The following PPARGC1A variants were observed in gnomAD, a reference collection of about 807,000 sequenced individuals.
PPARGC1A encodes the protein peroxisome proliferator-activated receptor gamma coactivator 1-alpha.
A neutral mutation model predicts 88.7 loss-of-function variants in PPARGC1A; 25 were observed. The observed-to-expected ratio is 0.28, with a 90% CI of 0.21 to 0.39. PPARGC1A has a LOEUF of 0.39. Among genes scored for constraint, PPARGC1A ranks in the 10% least tolerant of loss-of-function variants. PPARGC1A has a pLI of 1.00. For synonymous variants in PPARGC1A, 363 were observed against 355.6 expected, an observed-to-expected ratio of 1.02 and a Z score of -0.24; for missense variants, 880 against 968.7, an observed-to-expected ratio of 0.91 and a Z score of 1.22.
the PPARGC1A span, among the ~76,000 whole-genome samples, chr4:24,213,155 G>A: frequency 4.3e-5 from 6 of 139,842 alleles, no homozygotes; most frequent in Non-Finnish European, 7.6e-5. Context: ...GGGCACAACT[G>A]ATTATTTTCC....
the PPARGC1A span, among the ~76,000 whole-genome samples, chr4:24,442,188 A>C: frequency 2.6e-5 from 4 of 152,340 alleles, no homozygotes; most frequent in African/African-American, 7.2e-5. Context: ...ATAAAAGCAG[A>C]TGAGTAAACT....
the PPARGC1A span, among the ~76,000 whole-genome samples, chr4:24,402,545 C>T: frequency 6.6e-6 from 1 of 152,324 alleles, no homozygotes; most frequent in African/African-American, 2.4e-5. Context: ...AGGTCAGGTA[C>T]ATTGCCCGAG....
the PPARGC1A span, among the ~76,000 whole-genome samples, chr4:24,326,209 A>G: frequency 2.0e-5 from 3 of 152,056 alleles, no homozygotes; most frequent in Non-Finnish European, 4.4e-5. Context: ...ATCCCATCCC[A>G]CAGCATGCTT....
the PPARGC1A span, among the ~76,000 whole-genome samples, chr4:24,234,187 C>A: frequency 6.6e-6 from 1 of 152,194 alleles, no homozygotes; most frequent in Non-Finnish European, 1.5e-5. Flanking sequence ...AACCAGCATA[C>A]TTAACACAGT....
chr4:24,288,092 T>A, the PPARGC1A span, among the ~76,000 whole-genome samples: 1 of 152,180 alleles, frequency 6.6e-6, no homozygotes, highest in South Asian at 2.1e-4. Flanking sequence ...AACATCTATA[T>A]TCATTCTTCA....
chr4:23,844,829 TTATAA>T (rs1470684161), intron 2 of PPARGC1A, among the ~76,000 whole-genome samples: 2 of 128,068 alleles, frequency 1.6e-5, no homozygotes, highest in African/African-American at 5.9e-5. Context: ...ATATATATTA[TTATAA>T]TATATGATAT....
At chr4:24,049,300 ATATGTGTG>A in the PPARGC1A span, among the ~76,000 whole-genome samples, 14 of 46,088 alleles carry the variant, frequency 3.0e-4, no homozygotes, top group African/African-American at 6.5e-4. Context: ...GTGTATATAT[ATATGTGTG>A]TATATATATA....
chr4:24,444,502 T>C, the PPARGC1A span, among the ~76,000 whole-genome samples: 4 of 151,270 alleles, frequency 2.6e-5, no homozygotes, highest in Non-Finnish European at 5.9e-5. Flanking sequence ...AGAGAACAAG[T>C]CAGCTTTGAG....
the PPARGC1A span, among the ~76,000 whole-genome samples, chr4:24,227,605 G>T: frequency 1.3e-5 from 2 of 152,156 alleles, no homozygotes; most frequent in African/African-American, 4.8e-5. Context: ...CATAAAAACA[G>T]AAATCATTGT....
the PPARGC1A span, among the ~76,000 whole-genome samples, chr4:24,102,068 A>G: frequency 6.6e-6 from 1 of 152,190 alleles, no homozygotes; most frequent in African/African-American, 2.4e-5. Context: ...GATCCATCCA[A>G]TCCCAACCCC....
At chr4:24,351,427 G>A in the PPARGC1A span, among the ~76,000 whole-genome samples, 1 of 150,604 alleles carries the variant, frequency 6.6e-6, no homozygotes, top group South Asian at 2.1e-4. Context: ...AAAGAAAGAA[G>A]GTAAAATTTA....
At chr4:24,301,552 A>C in the PPARGC1A span, among the ~76,000 whole-genome samples, 2 of 151,652 alleles carry the variant, frequency 1.3e-5, no homozygotes, top group East Asian at 1.9e-4. Context: ...GGCCATCAGA[A>C]TATTCTTTGA....
chr4:24,121,173 G>A, the PPARGC1A span, among the ~76,000 whole-genome samples: 1 of 152,210 alleles, frequency 6.6e-6, no homozygotes, highest in African/African-American at 2.4e-5. Context: ...CAAGCCACTA[G>A]GGTGGCCAGA....
chr4:24,120,868 G>A, the PPARGC1A span, among the ~76,000 whole-genome samples: 1 of 152,138 alleles, frequency 6.6e-6, no homozygotes, highest in Non-Finnish European at 1.5e-5. Context: ...CCAGAACTGT[G>A]AGAAATAAAT....
At chr4:24,022,475 C>T in the PPARGC1A span, among the ~76,000 whole-genome samples, 271 of 152,288 alleles carry the variant, frequency 1.8e-3, 1 homozygote, top group Non-Finnish European at 2.8e-3. Flanking sequence ...GTAAGTGCCA[C>T]GGGGCTGGGG....
the PPARGC1A span, among the ~76,000 whole-genome samples, chr4:24,204,712 T>C: frequency 6.6e-6 from 1 of 152,184 alleles, no homozygotes; most frequent in Non-Finnish European, 1.5e-5. Flanking sequence ...CCCTTGCACT[T>C]ACCTCTGTGT....
At chr4:23,835,789 T>C (rs943217644) in intron 2 of PPARGC1A, among the ~76,000 whole-genome samples, 4 of 152,202 alleles carry the variant, frequency 2.6e-5, no homozygotes, top group Non-Finnish European at 5.9e-5. Context: ...GTTTATATAA[T>C]GTTGAGTGGA....
the PPARGC1A span, among the ~76,000 whole-genome samples, chr4:24,180,473 C>T: frequency 2.6e-5 from 4 of 152,180 alleles, no homozygotes; most frequent in African/African-American, 9.7e-5. Flanking sequence ...ATTGTTTTAG[C>T]CATCTCTGAT....
rs1001795648 is a variant in PPARGC1A, at chr4:23,806,531, G to T, written c.2020-4186C>A. Among the ~76,000 whole-genome samples the T allele has an allele frequency of 1.9e-4, 29 of 152,142 alleles. 1 individual carries two copies. Among genetic ancestry groups the T allele is most frequent in the Admixed American group, 1.4e-3 (21 of 15,272 alleles). On this transcript the variant is annotated intron_variant, in intron 10 of 12. Coordinates refer to ENST00000264867, the MANE Select transcript of PPARGC1A (RefSeq NM_013261.5). ...TCTAAACCTTTGGAAACAGCTCCTCGAAAAATGATTTTCGGACCAGTTTTC... is the reference window on the plus strand; with the variant it reads ...TCTAAACCTTTGGAAACAGCTCCTCTAAAAATGATTTTCGGACCAGTTTTC...
Sources: gnomAD v4.1 joint callset for allele counts (sites outside exome capture counted in the v4.1 genomes callset) on GRCh38, gnomAD v4.1.1 for gene constraint, MANE v1.5 for transcripts, NCBI Gene and HGNC (gene_info 2026-07-23, HGNC 2026-07-21) for gene names.